LILRA4: variants seen among roughly 807,000 people sequenced by gnomAD.
LILRA4 encodes the protein leukocyte immunoglobulin-like receptor subfamily A member 4.
In LILRA4, 51 loss-of-function variants were observed where a neutral mutation model predicts 49.5. That is an observed-to-expected ratio of 1.03 (90% CI 0.82 to 1.30). The LOEUF (loss-of-function observed/expected upper bound fraction) is 1.30, where lower values mean the gene tolerates loss of function less well. LILRA4 is among the 50% of genes most tolerant of loss of function. LILRA4 has a pLI of 0.00. For synonymous variants in LILRA4, 272 were observed against 265.6 expected, an observed-to-expected ratio of 1.02 and a Z score of -0.23; for missense variants, 624 against 625.6, an observed-to-expected ratio of 1.00 and a Z score of 0.03.
chr19:54,336,760 A>C, intron 6 of LILRA4, 81 bp downstream of exon 6: 6 of 1,540,820 alleles, frequency 3.9e-6, no homozygotes, highest in Non-Finnish European at 5.3e-6. Context: ...AGACAGACAG[A>C]CGGACACTCT....
Position 54,337,134 on chromosome 19 carries a change from G to T in LILRA4, c.962C>A (p.Ser321Tyr), listed in dbSNP as rs747874323. 51 of 1,611,790 alleles carry T rather than the reference G, an allele frequency of 3.2e-5. No individual in the cohort carries two copies. Among genetic ancestry groups the T allele is most frequent in the Middle Eastern group, 1.7e-4 (1 of 6,042 alleles). The stretch of plus-strand genomic sequence containing the variant: ...CTGCACTGAGAGGGAGGGTCTGTCA[G>T]AGATCTGTCCTGGAGAAAAGAAGGA... ...PLDILIAGQI[S>Y]DRPSLSVQPG... is the part of the protein sequence containing the mutation. Residue 321 changes from serine (S) to tyrosine (Y), a missense_variant, in exon 6 of 8, where the codon TCT (serine) becomes TAT (tyrosine). By Grantham distance (144) the Ser-to-Tyr change is moderately radical. Transcript: ENST00000291759.
At position 54,333,485 on chromosome 19, in the gene LILRA4, G is replaced by T; in HGVS notation, c.*87C>A. 1 of 1,320,014 alleles carries T rather than the reference G, an allele frequency of 7.6e-7. No individual in the cohort carries two copies. The highest frequency in any genetic ancestry group is 1.1e-6 in the Non-Finnish European group (1 of 925,184). The allele number at this position is 1,320,014 out of a possible 1,614,324, so 81.8% of individuals were successfully genotyped here. A position where few individuals can be genotyped will look rare whatever the true frequency, so the allele number is the denominator to read the frequency against. ...TCTACAGACACCCAGACATCTTCCT[G>T]CACCTGACCCATGCTTCTTCCCCTT... is the stretch of plus-strand genomic sequence containing the variant. On this transcript the variant is annotated 3_prime_UTR_variant, in exon 8 of 8. Coordinates refer to ENST00000291759, the MANE Select transcript of LILRA4 (RefSeq NM_012276.5).
rs201194202 is a variant in LILRA4, at chr19:54,337,996, C to A, written c.595G>T (p.Glu199Ter). The A allele has an allele frequency of 1.3e-5, 21 of 1,613,944 alleles. No individual in the cohort carries two copies. In the Admixed American group the frequency reaches 2.0e-4, roughly 15 times the overall value. Residue 199 changes from glutamate (E) to a stop codon, truncating the protein, a stop_gained, in exon 4 of 8, where the codon GAA (glutamate) becomes TAA (stop). Coordinates refer to ENST00000291759, the MANE Select transcript of LILRA4 (RefSeq NM_012276.5). LOFTEE classifies it high-confidence loss of function. Reference protein sequence around the residue: ...NRGTFRCYGYENNTPYVWSEP... With the variant: ...NRGTFRCYGY ...GACCACACGTATGGGGTGTTGTTTT[C>A]ATAGCCGTAGCATCTGAATGTACCC... is the stretch of plus-strand genomic sequence containing the variant.
rs765164179 is a variant in LILRA4 at position 54,336,846 on chromosome 19, A to T, written c.1250T>A (p.Val417Asp). 1 of 1,614,190 alleles carries T rather than the reference A, an allele frequency of 6.2e-7. No individual in the cohort carries two copies. Among genetic ancestry groups the T allele is most frequent in the African/African-American group, 1.3e-5 (1 of 75,058 alleles). The change falls in exon 6 of 8, where the codon GTC becomes GAC. Residue 417 changes from valine (V) to aspartate (D), a missense_variant. Val to Asp is a radical substitution (Grantham distance 152). Transcript: ENST00000291759. ...SHPSEPLELV[V>D]SGATETLNPA... is the part of the protein sequence containing the mutation. The stretch of plus-strand genomic sequence containing the variant: ...GACAGGGTCAGCGCCCTCACCTGAG[A>T]CCACGAGCTCCAGGGGCTCACTGGG...
chr19:54,338,380 C>T lies in LILRA4; in HGVS notation c.355+16G>A. 1 of 1,613,642 alleles carries T rather than the reference C, an allele frequency of 6.2e-7. No individual in the cohort carries two copies. Among genetic ancestry groups the T allele is most frequent in the Non-Finnish European group, 8.5e-7 (1 of 1,179,866 alleles). On this transcript the variant is annotated intron_variant, in intron 3 of 7. Transcript: ENST00000291759. ...AGGGCAGAGCCTGGGGCTGGGACCCCTGAGTGTCCTCTCACCTGTCACCAC... is the reference window on the plus strand; with the variant it reads ...AGGGCAGAGCCTGGGGCTGGGACCCTTGAGTGTCCTCTCACCTGTCACCAC...
chr19:54,337,912 A>G (rs868777540), intron 4 of LILRA4, 24 bp downstream of exon 4: 3 of 1,588,092 alleles, frequency 1.9e-6, no homozygotes, highest in Admixed American at 1.7e-5. Flanking sequence ...GACTTTGTAT[A>G]AGGAAAAGCT....
chr19:54,338,421 G>A lies in LILRA4; in HGVS notation c.330C>T (p.Ser110=), dbSNP rs755162443. 90 of 1,613,958 alleles carry A rather than the reference G, an allele frequency of 5.6e-5. 1 individual carries two copies. The South Asian group carries it at 6.4e-4, about 11-fold the overall frequency. ...YQSPAGWSEP[S]DPLELVVTAY... ...CTGTCACCACCAGCTCCAGGGGGTC[G>A]CTGGGCTCTGACCAGCCTGCAGGGC... The change falls in exon 3 of 8, where the codon AGC becomes AGT. Residue 110 remains serine, a synonymous_variant. Transcript: ENST00000291759.
Position 54,334,741 on chromosome 19 carries a change from C to G in LILRA4, c.1256-776G>C, listed in dbSNP as rs866341477. 2.7e-5 allele frequency: 4 copies of G among 150,584 alleles called. No individual in the cohort carries two copies. In the East Asian group the frequency reaches 7.8e-4, roughly 29 times the overall value. The allele number at this position is 150,584 out of a possible 1,614,324, so 9.3% of individuals were successfully genotyped here. A position where few individuals can be genotyped will look rare whatever the true frequency, so the allele number is the denominator to read the frequency against. ...CAGCACTTTGGGAGGCTGAGGCGGG[C>G]GGATCACAAGGTCAGGAGACTGAGA... On this transcript the variant is annotated intron_variant, in intron 6 of 7. Transcript: ENST00000291759.
intron 6 of LILRA4, chr19:54,336,476 C>T (rs560439738): frequency 8.4e-5 from 29 of 347,206 alleles, no homozygotes; most frequent in African/African-American, 4.6e-4. Context: ...GCAGCCCTCT[C>T]CACTCTTTAC....
At chr19:54,337,263 C>T (rs992019757) in intron 5 of LILRA4, 120 bp from the exon 6 acceptor site, 18 of 1,368,924 alleles carry the variant, frequency 1.3e-5, no homozygotes, top group African/African-American at 4.3e-5. Context: ...TCCCCCTCCC[C>T]GCCCATCCCC....
chr19:54,338,376 A>G lies in LILRA4; in HGVS notation c.355+20T>C, dbSNP rs114914844. 475 of 1,613,318 alleles carry G rather than the reference A, an allele frequency of 2.9e-4. 1 individual carries two copies. The African/African-American group carries it at 6.0e-3, about 20-fold the overall frequency. On this transcript the variant is annotated intron_variant, in intron 3 of 7. Coordinates refer to ENST00000291759, the MANE Select transcript of LILRA4 (RefSeq NM_012276.5). ...CCCGAGGGCAGAGCCTGGGGCTGGG[A>G]CCCCTGAGTGTCCTCTCACCTGTCA...
Position 54,338,920 on chromosome 19 carries a change from T to A in LILRA4, c.35-19A>T. 6.2e-7 allele frequency: 1 copy of A among 1,614,140 alleles called. No homozygotes were observed. Among genetic ancestry groups the A allele is most frequent in the South Asian group, 1.1e-5 (1 of 91,086 alleles). ...CTCAGCCCTGGAAGAGAGTTCCCTG[T>A]GAGAGATTTGCCTCCGAAGCCTGAG... is the stretch of plus-strand genomic sequence containing the variant. On this transcript the variant is annotated intron_variant, in intron 1 of 7. Coordinates refer to ENST00000291759, the MANE Select transcript of LILRA4 (RefSeq NM_012276.5).
rs202076914 is a variant in LILRA4 at position 54,333,779 on chromosome 19, A to G, written c.1307-14T>C. ...GGAGGTGTGGGGCTAGGGATGGTGG[A>G]CAAAGAGGTCACAGAGGTCAGGGCA... On this transcript the variant is annotated splice_polypyrimidine_tract_variant and intron_variant, in intron 7 of 7. Coordinates refer to ENST00000291759, the MANE Select transcript of LILRA4 (RefSeq NM_012276.5). The G allele has an allele frequency of 1.8e-4, 295 of 1,614,080 alleles. 2 individuals are homozygous for G. The East Asian group carries it at 3.9e-3, about 22-fold the overall frequency.
At chr19:54,334,926 G>C (rs2081307977) in intron 6 of LILRA4, 1 of 151,568 alleles carries the variant, frequency 6.6e-6, no homozygotes, top group South Asian at 2.1e-4. Flanking sequence ...AGTGAGCCGA[G>C]ATCGCACCAC....
intron 6 of LILRA4, chr19:54,334,369 T>C (rs371069932): frequency 1.6e-4 from 30 of 182,958 alleles, no homozygotes; most frequent in African/African-American, 7.1e-4. Context: ...GGATGAGGAG[T>C]TGGTCCTCAG....
rs758325116 is a variant in LILRA4 at position 54,333,647 on chromosome 19, TG to T, written c.1424del (p.Pro475GlnfsTer69). ...TGCTGTTTGCCTCCTGGCTGCACCT[TG>T]GGGGGCTTCTCTGGCTGTGCTGAGC... ...FEAQHSQRSP[P>X]RCSQEANSRK... is the part of the protein sequence containing the mutation. On this transcript the variant is annotated frameshift_variant, in exon 8 of 8. Coordinates refer to ENST00000291759, the MANE Select transcript of LILRA4 (RefSeq NM_012276.5). LOFTEE classifies it low-confidence loss of function (END_TRUNC). The T allele has an allele frequency of 5.0e-6, 8 of 1,613,956 alleles. No homozygotes were observed. The highest frequency in any genetic ancestry group is 4.5e-5 in the East Asian group (2 of 44,884).
chr19:54,333,620 T>G lies in LILRA4; in HGVS notation c.1452A>C (p.Arg484Ser). 1.2e-6 allele frequency: 2 copies of G among 1,614,184 alleles called. No individual in the cohort carries two copies. Among genetic ancestry groups the G allele is most frequent in the Non-Finnish European group, 1.7e-6 (2 of 1,180,018 alleles). Residue 484 changes from arginine to serine, a missense_variant, in exon 8 of 8, where the codon AGA (arginine) becomes AGC (serine). Coordinates refer to ENST00000291759, the MANE Select transcript of LILRA4 (RefSeq NM_012276.5). ...PPRCSQEANS[R>S]KDNAPFRVVE... ...CCACTCTGAAGGGTGCATTGTCCTT[T>G]CTGCTGTTTGCCTCCTGGCTGCACC... is the stretch of plus-strand genomic sequence containing the variant.
intron 6 of LILRA4, 77 bp from the exon 7 acceptor site, chr19:54,334,042 C>T: frequency 5.1e-6 from 6 of 1,184,058 alleles, no homozygotes; most frequent in Non-Finnish European, 7.6e-6. Context: ...TATATTCCTC[C>T]ACCTCTCATG....
In LILRA4 at chr19:54,333,909, A is replaced by G; in HGVS notation, c.1306+6T>C. 6.2e-7 allele frequency: 1 copy of G among 1,613,706 alleles called. No homozygotes were observed. Among genetic ancestry groups the G allele is most frequent in the Non-Finnish European group, 8.5e-7 (1 of 1,179,652 alleles). Reference sequence around the variant, plus strand: ...GCCCCATAACTGGGAGAATCTCCTCACTCACCAGTCTTGGAATCTGACTTC... The same window carrying G: ...GCCCCATAACTGGGAGAATCTCCTCGCTCACCAGTCTTGGAATCTGACTTC... On this transcript the variant is annotated splice_donor_region_variant and intron_variant, in intron 7 of 7. Transcript: ENST00000291759.
Sources: gnomAD v4.1 joint callset for allele counts on GRCh38, gnomAD v4.1.1 for gene constraint, MANE v1.5 for transcripts, NCBI Gene and HGNC (gene_info 2026-07-23, HGNC 2026-07-21) for gene names.